The following CBX6 variants were observed in gnomAD, a reference collection of about 807,000 sequenced individuals.
CBX6 encodes chromobox protein homolog 6.
CBX6 carries 7 observed loss-of-function variants against 28.4 expected under a neutral mutation model. The ratio of observed to expected loss-of-function variants is 0.25; its 90% CI spans 0.14 to 0.46. CBX6 has a LOEUF of 0.46. CBX6 is among the 20% of genes least tolerant of loss of function. The pLI is 0.99. For synonymous variants in CBX6, 297 were observed against 273.4 expected (o/e 1.09, Z -0.85); for missense variants, 512 against 606.1 (o/e 0.84, Z 1.63).
Position 38,866,930 on chromosome 22 carries a change from C to T in CBX6, c.518G>A (p.Arg173His), listed in dbSNP as rs2093171910. 1 of 1,606,630 alleles carries T rather than the reference C, an allele frequency of 6.2e-7. No homozygotes were observed. The highest frequency in any genetic ancestry group is 8.5e-7 in the Non-Finnish European group (1 of 1,177,014). Residue 173 changes from arginine (R) to histidine (H), a missense_variant, in exon 5 of 5, where the codon CGC (arginine) becomes CAC (histidine). This residue lies in a region of CBX6 where 9 missense variants were observed against 26.6 expected (regional missense o/e 0.34). Coordinates refer to ENST00000407418, the MANE Select transcript of CBX6 (RefSeq NM_014292.5). The surrounding 1 kb of genome is among the most constrained non-coding windows in gnomAD (Gnocchi z 7.5). ...KVKPREPKRN[R>H]IILNLKVIDK... Reference sequence around the variant, plus strand: ...GATCACCTTCAGGTTCAGGATGATGCGGTTCCGCTTGGGCTCCCGCGGCTT... The same window carrying T: ...GATCACCTTCAGGTTCAGGATGATGTGGTTCCGCTTGGGCTCCCGCGGCTT...
In CBX6 at chr22:38,866,508, C is replaced by G. The variant is rs777300626; in HGVS notation, c.940G>C (p.Asp314His). 3 of 1,586,612 alleles carry G rather than the reference C, an allele frequency of 1.9e-6. No homozygotes were observed. The highest frequency in any genetic ancestry group is 4.5e-5 in the East Asian group (2 of 44,270). ...APSWREPEVL[D>H]LSLPPESAAT... ...GCCGACTCGGGAGGGAGGGACAGGTCGAGCACCTCCGGCTCGCGCCAGCTG... is the reference window on the plus strand; with the variant it reads ...GCCGACTCGGGAGGGAGGGACAGGTGGAGCACCTCCGGCTCGCGCCAGCTG... Residue 314 changes from aspartate to histidine, a missense_variant, in exon 5 of 5, where the codon GAC becomes CAC. Around this residue, in one of 7 missense-constraint regions of CBX6, gnomAD observed 290 missense variants for 274.1 expected, o/e 1.06. Transcript: ENST00000407418. The surrounding 1 kb of genome is among the most constrained non-coding windows in gnomAD (Gnocchi z 7.5).
In CBX6 at chr22:38,866,749, C is replaced by A; in HGVS notation, c.699G>T (p.Ala233=). ...GGGGGGCGGGCGGAGGCTTGTACAG[C>A]GCAAAGGCGCCGAACTTCATGTGGC... ...QIRHMKFGAF[A]LYKPPPAPLV... Residue 233 remains alanine, a synonymous_variant, in exon 5 of 5, where the codon GCG becomes GCT. Coordinates refer to ENST00000407418, the MANE Select transcript of CBX6 (RefSeq NM_014292.5). The surrounding 1 kb of genome is among the most constrained non-coding windows in gnomAD (Gnocchi z 7.5). 6.2e-7 allele frequency: 1 copy of A among 1,609,166 alleles called. No individual in the cohort carries two copies. Among genetic ancestry groups the A allele is most frequent in the Non-Finnish European group, 8.5e-7 (1 of 1,177,810 alleles).
chr22:38,872,068 C>T lies in CBX6; in HGVS notation c.69+54G>A, dbSNP rs1398609526. 40 of 1,283,206 alleles carry T rather than the reference C, an allele frequency of 3.1e-5. No homozygotes were observed. The highest frequency in any genetic ancestry group is 3.7e-5 in the Non-Finnish European group (37 of 1,006,968). The allele number at this position is 1,283,206 out of a possible 1,614,324, so 79.5% of individuals were successfully genotyped here. A position where few individuals can be genotyped will look rare whatever the true frequency, so the allele number is the denominator to read the frequency against. ...CGGGACCGCTTCGCCCCGAGGGCCC[C>T]CGGCCCCGGCCCCGGCTGCGGACAG... On this transcript the variant is annotated intron_variant, in intron 1 of 4. Coordinates refer to ENST00000407418, the MANE Select transcript of CBX6 (RefSeq NM_014292.5). This position sits in a 1 kb window ranked among gnomAD's most constrained non-coding sequence, Gnocchi z 5.0.
chr22:38,871,821 G>T lies in CBX6; in HGVS notation c.114-64C>A. 6.3e-7 allele frequency: 1 copy of T among 1,581,632 alleles called. No individual in the cohort carries two copies. On this transcript the variant is annotated intron_variant, in intron 2 of 4. Coordinates refer to ENST00000407418, the MANE Select transcript of CBX6 (RefSeq NM_014292.5). The surrounding 1 kb of genome is among the most constrained non-coding windows in gnomAD (Gnocchi z 5.6). ...AGAGAGGGACAGGCACGCGGCGAGAGCAAGAGCGCGCACCCCCACCCCAGG... is the reference window on the plus strand; with the variant it reads ...AGAGAGGGACAGGCACGCGGCGAGATCAAGAGCGCGCACCCCCACCCCAGG...
In CBX6 at chr22:38,863,144, T is replaced by C. The variant is rs2093161526; in HGVS notation, c.*3065A>G. On this transcript the variant is annotated 3_prime_UTR_variant, in exon 5 of 5. Transcript: ENST00000407418. ...GCAGCTGCTCTGACACCAGCAGCGC[T>C]TTCTGAAGAGGGCTTGCTACCCAAT... The C allele has an allele frequency of 6.6e-6, 1 of 152,144 alleles. No individual in the cohort carries two copies. The highest frequency in any genetic ancestry group is 6.5e-5 in the Admixed American group (1 of 15,278). The allele number at this position is 152,144 out of a possible 1,614,324, so 9.4% of individuals were successfully genotyped here.
In CBX6 at chr22:38,863,914, C is replaced by T. The variant is rs1197247110; in HGVS notation, c.*2295G>A. The T allele has an allele frequency of 2.6e-5, 4 of 152,260 alleles. No homozygotes were observed. The highest frequency in any genetic ancestry group is 5.9e-5 in the Non-Finnish European group (4 of 68,080). 9.4% of individuals were successfully genotyped at this position (152,260 alleles called of 1,614,324 possible). The stretch of plus-strand genomic sequence containing the variant: ...AACCAAACTGCCCACTCACCAGCCC[C>T]CTGGAGAAAATCACCAGTGACAACC... On this transcript the variant is annotated 3_prime_UTR_variant, in exon 5 of 5. Coordinates refer to ENST00000407418, the MANE Select transcript of CBX6 (RefSeq NM_014292.5).
rs983795582 is a variant in CBX6 at position 38,866,218 on chromosome 22, C to T, written c.1230G>A (p.Ala410=). The T allele has an allele frequency of 2.5e-6, 4 of 1,605,602 alleles. No homozygotes were observed. Among genetic ancestry groups the T allele is most frequent in the Non-Finnish European group, 2.6e-6 (3 of 1,175,932 alleles). Residue 410 remains alanine (A), a synonymous_variant, in exon 5 of 5, where the codon GCG becomes GCA. Transcript: ENST00000407418. The surrounding 1 kb of genome is among the most constrained non-coding windows in gnomAD (Gnocchi z 7.5). ...GAAGGGGSIG[A]SK is the part of the protein sequence containing the mutation. ...CCTTGGTGGAGCCCCCTCACTTGCT[C>T]GCCCCAATGCTGCCACCGCCCCCAG...
chr22:38,866,829 G>A lies in CBX6; in HGVS notation c.619C>T (p.Arg207Cys). The A allele has an allele frequency of 1.9e-6, 3 of 1,612,242 alleles. No homozygotes were observed. Among genetic ancestry groups the A allele is most frequent in the African/African-American group, 2.7e-5 (2 of 74,998 alleles). Residue 207 changes from arginine to cysteine, a missense_variant, in exon 5 of 5, where the codon CGC (arginine) becomes TGC (cysteine). Arg to Cys is a radical substitution (Grantham distance 180). This residue lies in a region of CBX6 where 290 missense variants were observed against 274.1 expected (regional missense o/e 1.06). Transcript: ENST00000407418. This position sits in a 1 kb window ranked among gnomAD's most constrained non-coding sequence, Gnocchi z 7.5. ...LARPKVPSRN[R>C]VIGKSKKFSE... ...AACTTCTTGCTCTTGCCTATAACGC[G>A]GTTCCGCGAGGGGACTTTGGGGCGG...
rs2093172848 is a variant in CBX6 at position 38,867,206 on chromosome 22, G to A, written c.247-5C>T. 3.3e-6 allele frequency: 5 copies of A among 1,532,012 alleles called. No homozygotes were observed. Among genetic ancestry groups the A allele is most frequent in the South Asian group, 1.2e-5 (1 of 83,646 alleles). The allele number at this position is 1,532,012 out of a possible 1,614,324, so 94.9% of individuals were successfully genotyped here. On this transcript the variant is annotated splice_polypyrimidine_tract_variant and splice_region_variant and intron_variant, in intron 4 of 4. Coordinates refer to ENST00000407418, the MANE Select transcript of CBX6 (RefSeq NM_014292.5). The stretch of plus-strand genomic sequence containing the variant: ...GGCCTCGGCCTGGGCCCGCGCCTGC[G>A]GGCAGAGGGAGGGGTGGGTGGGACC...
Position 38,867,138 on chromosome 22 carries a change from T to A in CBX6, c.310A>T (p.Ser104Cys), listed in dbSNP as rs1352742656. 5 of 1,355,888 alleles carry A rather than the reference T, an allele frequency of 3.7e-6. No individual in the cohort carries two copies. Among genetic ancestry groups the A allele is most frequent in the Admixed American group, 4.3e-5 (2 of 47,042 alleles). 84.0% of individuals were successfully genotyped at this position (1,355,888 alleles called of 1,614,324 possible). A position where few individuals can be genotyped will look rare whatever the true frequency, so the allele number is the denominator to read the frequency against. Residue 104 changes from serine to cysteine, a missense_variant, in exon 5 of 5, where the codon AGT (serine) becomes TGT (cysteine). Coordinates refer to ENST00000407418, the MANE Select transcript of CBX6 (RefSeq NM_014292.5). ...DVHFSVKPSA[S>C]ASSPKLHSSA... Reference sequence around the variant, plus strand: ...GAGTGCAGCTTGGGCGAGGAGGCACTGGCGCTCGGCTTGACAGAGAAATGC... The same window carrying A: ...GAGTGCAGCTTGGGCGAGGAGGCACAGGCGCTCGGCTTGACAGAGAAATGC...
intron 4 of CBX6, 27 bp from the exon 5 acceptor site, chr22:38,867,228 G>GGTGGGGGTGGGGGGGGGGGGGGGGGC: frequency 1.9e-6 from 1 of 518,866 alleles, no homozygotes. Context: ...GGGTGGGTGG[G>GGTGGGGGTGGGGGGGGGGGGGGGGGC]ACCTCAGGAC....
In CBX6 at chr22:38,866,423, G is replaced by A. The variant is rs777266584; in HGVS notation, c.1025C>T (p.Thr342Met). The change falls in exon 5 of 5, where the codon ACG becomes ATG. Residue 342 changes from threonine (T) to methionine (M), a missense_variant. Coordinates refer to ENST00000407418, the MANE Select transcript of CBX6 (RefSeq NM_014292.5). This position sits in a 1 kb window ranked among gnomAD's most constrained non-coding sequence, Gnocchi z 7.5. The part of the protein sequence containing the change: ...VTAAAGPAPP[T>M]APEPAGASSE... Reference sequence around the variant, plus strand: ...GGAGGCACCGGCGGGCTCAGGGGCCGTGGGAGGTGCCGGGCCGGCAGCAGC... The same window carrying A: ...GGAGGCACCGGCGGGCTCAGGGGCCATGGGAGGTGCCGGGCCGGCAGCAGC... 17 of 1,610,888 alleles carry A rather than the reference G, an allele frequency of 1.1e-5. No individual in the cohort carries two copies. The Admixed American group carries it at 1.7e-4, about 16-fold the overall frequency.
At position 38,866,228 on chromosome 22, in the gene CBX6, C is replaced by T. The variant is rs945880484; in HGVS notation, c.1220G>A (p.Ser407Asn). The T allele has an allele frequency of 1.2e-6, 2 of 1,610,310 alleles. No individual in the cohort carries two copies. The highest frequency in any genetic ancestry group is 2.7e-5 in the African/African-American group (2 of 74,884). The part of the protein sequence containing the change: ...GVAGAAGGGG[S>N]IGASK The stretch of plus-strand genomic sequence containing the variant: ...GCCCCCTCACTTGCTCGCCCCAATG[C>T]TGCCACCGCCCCCAGCGGCGCCTGC... Residue 407 changes from serine to asparagine, a missense_variant, in exon 5 of 5, where the codon AGC (serine) becomes AAC (asparagine). Around this residue, in one of 7 missense-constraint regions of CBX6, gnomAD observed 33 missense variants for 35.3 expected, o/e 0.94. Transcript: ENST00000407418. This position sits in a 1 kb window ranked among gnomAD's most constrained non-coding sequence, Gnocchi z 7.5.
At position 38,864,927 on chromosome 22, in the gene CBX6, T is replaced by C. The variant is rs1472261726; in HGVS notation, c.*1282A>G. On this transcript the variant is annotated 3_prime_UTR_variant, in exon 5 of 5. Transcript: ENST00000407418. ...GCCCTCCCAGGGCCTGGCCTAAGGC[T>C]GGGGCTGTGGCCTCTGCCACTGGCA... 2.6e-5 allele frequency: 4 copies of C among 152,362 alleles called. No homozygotes were observed. Among genetic ancestry groups the C allele is most frequent in the Non-Finnish European group, 5.9e-5 (4 of 68,148 alleles). The allele number at this position is 152,362 out of a possible 1,614,324, so 9.4% of individuals were successfully genotyped here.
rs1340523627 is a variant in CBX6 at position 38,871,420 on chromosome 22, C to G, written c.246+60G>C. On this transcript the variant is annotated intron_variant, in intron 4 of 4. Coordinates refer to ENST00000407418, the MANE Select transcript of CBX6 (RefSeq NM_014292.5). This position sits in a 1 kb window ranked among gnomAD's most constrained non-coding sequence, Gnocchi z 5.6. ...GTATCTGTCCCTCCCTTCCAGGCCC[C>G]GTGCTGTGCCGGGGCTGGGGGCCCG... is the stretch of plus-strand genomic sequence containing the variant. The G allele has an allele frequency of 6.6e-7, 1 of 1,511,684 alleles. No individual in the cohort carries two copies. The highest frequency in any genetic ancestry group is 9.0e-7 in the Non-Finnish European group (1 of 1,110,232). The allele number at this position is 1,511,684 out of a possible 1,614,324, so 93.6% of individuals were successfully genotyped here.
In CBX6 at chr22:38,870,055, C is replaced by G. The variant is rs987557025; in HGVS notation, c.246+1425G>C. ...AAAGTCCTACTATCTGTGTCTCTAT[C>G]CCCTGCCACGCCAACTCTGCAGCCT... On this transcript the variant is annotated intron_variant, in intron 4 of 4. Transcript: ENST00000407418. The surrounding 1 kb of genome is among the most constrained non-coding windows in gnomAD (Gnocchi z 4.3). The G allele has an allele frequency of 6.6e-6, 1 of 152,294 alleles. No homozygotes were observed. The highest frequency in any genetic ancestry group is 1.5e-5 in the Non-Finnish European group (1 of 68,094). 9.4% of individuals were successfully genotyped at this position (152,294 alleles called of 1,614,324 possible).
rs1012696247 is a variant in CBX6 at position 38,867,102 on chromosome 22, C to T, written c.346G>A (p.Val116Met). Residue 116 changes from valine to methionine, a missense_variant, in exon 5 of 5, where the codon GTG becomes ATG. By Grantham distance (21) the Val-to-Met change is conservative (BLOSUM62 1). Transcript: ENST00000407418. ...CGGATGTCCTTCTTGAGCCGGTGCACGGCTGCGCTGGAGTGCAGCTTGGGC... is the reference window on the plus strand; with the variant it reads ...CGGATGTCCTTCTTGAGCCGGTGCATGGCTGCGCTGGAGTGCAGCTTGGGC... Reference protein sequence around the residue: ...SSPKLHSSAAVHRLKKDIRRC... With the variant: ...SSPKLHSSAAMHRLKKDIRRC... 2.5e-6 allele frequency: 4 copies of T among 1,594,546 alleles called. No individual in the cohort carries two copies. Among genetic ancestry groups the T allele is most frequent in the South Asian group, 2.2e-5 (2 of 88,942 alleles).
chr22:38,869,100 C>T (rs1603250581), intron 4 of CBX6, among the ~76,000 whole-genome samples: 1 of 152,216 alleles, frequency 6.6e-6, no homozygotes, highest in Non-Finnish European at 1.5e-5. Flanking sequence ...AGGGATTGGG[C>T]CCCTCAGACC....
rs1455745507 is a variant in CBX6, at chr22:38,863,634, C to G, written c.*2575G>C. 1 of 152,172 alleles carries G rather than the reference C, an allele frequency of 6.6e-6. No individual in the cohort carries two copies. The highest frequency in any genetic ancestry group is 1.5e-5 in the Non-Finnish European group (1 of 68,024). The allele number at this position is 152,172 out of a possible 1,614,324, so 9.4% of individuals were successfully genotyped here. On this transcript the variant is annotated 3_prime_UTR_variant, in exon 5 of 5. Transcript: ENST00000407418. Reference sequence around the variant, plus strand: ...TGCCTCTTCATGCACCAAGGCTGGCCCGGGCTGCTCCACTTGGAGCTCAGG... The same window carrying G: ...TGCCTCTTCATGCACCAAGGCTGGCGCGGGCTGCTCCACTTGGAGCTCAGG...
Sources: gnomAD v4.1 joint callset for allele counts (sites outside exome capture counted in the v4.1 genomes callset) on GRCh38, gnomAD v4.1.1 for gene constraint, gnomAD v4.1.1 regional missense constraint, Gnocchi (gnomAD v3.1) non-coding constraint, MANE v1.5 for transcripts, NCBI Gene and HGNC (gene_info 2026-07-23, HGNC 2026-07-21) for gene names.